Variants in PLEKHG1 observed in about 807,000 individuals in gnomAD.
The protein encoded by PLEKHG1 is pleckstrin homology and RhoGEF domain containing G1.
PLEKHG1 carries 44 observed loss-of-function variants against 100.8 expected under a neutral mutation model. The observed-to-expected ratio is 0.44, with a 90% CI of 0.34 to 0.56. PLEKHG1 has a LOEUF of 0.56. Among genes scored for constraint, PLEKHG1 ranks in the 20% least tolerant of loss-of-function variants. The probability of loss-of-function intolerance (pLI) is 0.01; values close to 1 mark genes in which losing one functional copy is unlikely to be tolerated. For missense variants in PLEKHG1, 1,545 were observed against 1,720.9 expected, an observed-to-expected ratio of 0.90 and a Z score of 1.81; for synonymous variants, 640 against 662.5, an observed-to-expected ratio of 0.97 and a Z score of 0.52.
At chr6:150,713,830 AGAG>A (rs1483651554) in intron 3 of PLEKHG1, among the ~76,000 whole-genome samples, 2 of 152,168 alleles carry the variant, frequency 1.3e-5, no homozygotes, top group African/African-American at 4.8e-5. Context: ...TGTCCAGAAA[AGAG>A]GAGGAAAGGC....
intron 1 of PLEKHG1, among the ~76,000 whole-genome samples, chr6:150,623,341 A>G (rs1217636363): frequency 2.6e-5 from 4 of 152,188 alleles, no homozygotes; most frequent in Admixed American, 1.3e-4. Context: ...TGGGTTCTTC[A>G]GTAGTGTTTT....
At chr6:150,721,141 G>T (rs1014764569) in exon 1 of PLEKHG1, 2 of 985,350 alleles carry the variant, frequency 2.0e-6, no homozygotes, top group Middle Eastern at 5.2e-4. Context: ...TCTTTTACCT[G>T]ACTGAGGTCA....
chr6:150,773,753 T>C (rs1040838927), intron 3 of PLEKHG1, among the ~76,000 whole-genome samples: 6 of 152,256 alleles, frequency 3.9e-5, no homozygotes, highest in African/African-American at 1.2e-4. Context: ...GGGATTTTTA[T>C]TGAAATTGCA....
intron 1 of PLEKHG1, among the ~76,000 whole-genome samples, chr6:150,724,558 C>CTTT (rs34140367): frequency 4.7e-4 from 47 of 100,466 alleles, no homozygotes; most frequent in Admixed American, 1.2e-3. Flanking sequence ...TTTTCTTTTT[C>CTTT]TTTTTTTTTT....
At chr6:150,728,968 T>A (rs929927668) in intron 1 of PLEKHG1, among the ~76,000 whole-genome samples, 1 of 152,196 alleles carries the variant, frequency 6.6e-6, no homozygotes, top group African/African-American at 2.4e-5. Context: ...ATCCAAAATA[T>A]TATTTCAATA....
chr6:150,788,661 C>T (rs1240155862), intron 4 of PLEKHG1, among the ~76,000 whole-genome samples: 2 of 152,332 alleles, frequency 1.3e-5, no homozygotes, highest in Admixed American at 6.5e-5. Flanking sequence ...GAATGGCTCA[C>T]TTTGCTGCCT....
chr6:150,785,845 C>T (rs1239053636), intron 3 of PLEKHG1, among the ~76,000 whole-genome samples: 1 of 152,130 alleles, frequency 6.6e-6, no homozygotes, highest in East Asian at 1.9e-4. Flanking sequence ...TAGGAGCACA[C>T]ACCCTATTGT....
rs565591742 is a variant in PLEKHG1 at position 150,777,361 on chromosome 6, C to T, written c.512+8623C>T. Among the ~76,000 whole-genome samples, 9 of 148,210 alleles carry T rather than the reference C, an allele frequency of 6.1e-5. No homozygotes were observed. In the South Asian group the frequency reaches 6.4e-4, roughly 11 times the overall value. Reference sequence around the variant, plus strand: ...CTGATGCAGTCCTGGTGCACATGTGCGGTTGCACATTACACTGATGCAATC... The same window carrying T: ...CTGATGCAGTCCTGGTGCACATGTGTGGTTGCACATTACACTGATGCAATC... On this transcript the variant is annotated intron_variant, in intron 3 of 15. Coordinates refer to ENST00000358517, the Ensembl canonical transcript of PLEKHG1.
In PLEKHG1 at chr6:150,641,861, A is replaced by G. The variant is rs1253691879; in HGVS notation, c.-158+3736A>G. Among the ~76,000 whole-genome samples, 9 of 127,260 alleles carry G rather than the reference A, an allele frequency of 7.1e-5. No individual in the cohort carries two copies. The Admixed American group carries it at 8.6e-4, about 12-fold the overall frequency. 83.5% of individuals were successfully genotyped at this position (127,260 alleles called of 152,430 possible). ...AATATGTCAAAGCCTGTTTTACTTG[A>G]CTGATGTGAAAAGGCAAAAAAAAAA... On this transcript the variant is annotated intron_variant, in intron 2 of 3. Transcript: ENST00000367326.
chr6:150,687,675 A>G (rs899946247), intron 3 of PLEKHG1, among the ~76,000 whole-genome samples: 1 of 152,158 alleles, frequency 6.6e-6, no homozygotes, highest in African/African-American at 2.4e-5. Context: ...GTGCCAGCTG[A>G]GGAAGCAAGT....
At chr6:150,816,872 G>C (rs971080175) in intron 10 of PLEKHG1, among the ~76,000 whole-genome samples, 20 of 152,178 alleles carry the variant, frequency 1.3e-4, no homozygotes, top group Non-Finnish European at 1.5e-5. Flanking sequence ...TCAGGCATTA[G>C]ATTCTCACAA....
chr6:150,693,211 C>G (rs1780411510), intron 3 of PLEKHG1, among the ~76,000 whole-genome samples: 1 of 152,110 alleles, frequency 6.6e-6, no homozygotes, highest in Non-Finnish European at 1.5e-5. Flanking sequence ...TCACTTGAAC[C>G]TGGGAGGCGG....
At chr6:150,839,261 C>T (rs1777387738) in intron 15 of PLEKHG1, among the ~76,000 whole-genome samples, 1 of 152,182 alleles carries the variant, frequency 6.6e-6, no homozygotes, top group South Asian at 2.1e-4. Context: ...ACTACAGGTG[C>T]ACGCCACCAT....
rs149108191 is a variant in PLEKHG1 at position 150,819,774 on chromosome 6, GGTAA to G, written c.1408+6_1408+9del. The G allele has an allele frequency of 5.2e-3, 8,053 of 1,559,542 alleles. 384 individuals are homozygous for G. In the African/African-American group the frequency reaches 0.096, roughly 19 times the overall value. On this transcript the variant is annotated splice_donor_variant and splice_donor_region_variant and intron_variant, in intron 12 of 15. Coordinates refer to ENST00000358517, the Ensembl canonical transcript of PLEKHG1. LOFTEE classifies it high-confidence loss of function. ...TCCATATCGGCTGAGAAGAAAATCT[GGTAA>G]GTAAGATGTTGTCATAAAAATTTAA...
intron 1 of PLEKHG1, among the ~76,000 whole-genome samples, chr6:150,724,701 A>T (rs1485022078): frequency 6.6e-6 from 1 of 151,178 alleles, no homozygotes; most frequent in Admixed American, 6.6e-5. Context: ...CTGGGATTAC[A>T]TGCACCTGCC....
chr6:150,646,967 T>C (rs1778528975), intron 2 of PLEKHG1, among the ~76,000 whole-genome samples: 1 of 152,218 alleles, frequency 6.6e-6, no homozygotes, highest in Non-Finnish European at 1.5e-5. Context: ...TAGCCCCTTA[T>C]ATGGATTTCT....
exon 1 of PLEKHG1, chr6:150,721,097 A>G: frequency 1.0e-6 from 1 of 966,008 alleles, no homozygotes; most frequent in Non-Finnish European, 1.2e-6. Context: ...CAATATTTCT[A>G]CGGAAGGCGC....
intron 3 of PLEKHG1, among the ~76,000 whole-genome samples, chr6:150,703,108 G>C (rs5029651): frequency 6.6e-6 from 1 of 152,182 alleles, no homozygotes; most frequent in Non-Finnish European, 1.5e-5. Flanking sequence ...GATACAAGCT[G>C]TCAGGGAGGC....
intron 3 of PLEKHG1, among the ~76,000 whole-genome samples, chr6:150,672,150 G>T (rs761882614): frequency 3.9e-5 from 6 of 152,086 alleles, no homozygotes; most frequent in Non-Finnish European, 7.4e-5. Context: ...ATATGCAGAT[G>T]TTATCAAAGA....
Sources: allele counts gnomAD v4.1 joint callset (sites outside exome capture counted in the v4.1 genomes callset), GRCh38; gene constraint gnomAD v4.1.1; transcripts MANE v1.5; gene names NCBI Gene and HGNC (gene_info 2026-07-23, HGNC 2026-07-21).